Variants in SDC2 observed in about 807,000 individuals in gnomAD.
SDC2 encodes the protein syndecan-2.
Under a neutral mutation model 22.2 loss-of-function variants are expected in SDC2, and 13 were observed. The ratio of observed to expected loss-of-function variants is 0.59; its 90% CI spans 0.38 to 0.93. The LOEUF (loss-of-function observed/expected upper bound fraction) is 0.93, where lower values mean the gene tolerates loss of function less well. Ranked by LOEUF, SDC2 falls within the 40% of genes least tolerant of loss-of-function variation. The pLI, the probability that SDC2 is intolerant of heterozygous loss-of-function variation, is 0.00. For missense variants in SDC2, 235 were observed against 246.8 expected, an observed-to-expected ratio of 0.95 and a Z score of 0.32; for synonymous variants, 94 against 92.8, an observed-to-expected ratio of 1.01 and a Z score of -0.07.
At chr8:96,566,411 T>G (rs1413833146) in intron 1 of SDC2, among the ~76,000 whole-genome samples, 1 of 152,204 alleles carries the variant, frequency 6.6e-6, no homozygotes, top group Admixed American at 6.5e-5. Context: ...GAAACAAACA[T>G]TAATTCATTT....
chr8:96,599,145 G>T lies in SDC2; in HGVS notation c.173-3250G>T, dbSNP rs575749295. 3.3e-5 allele frequency among the ~76,000 whole-genome samples: 5 copies of T among 152,134 alleles called. No homozygotes were observed. The South Asian group carries it at 1.0e-3, about 32-fold the overall frequency. ...TTTAGTAGGGATGGGGTTTCACCAT[G>T]TTAGCCAAGATGGTCTTGATCTCCT... On this transcript the variant is annotated intron_variant, in intron 2 of 4. Transcript: ENST00000302190.
rs1815141057 is a variant in SDC2 at position 96,609,544 on chromosome 8, C to A, written c.602C>A (p.Ala201Glu). The A allele has an allele frequency of 1.3e-6, 2 of 1,580,006 alleles. No homozygotes were observed. Among genetic ancestry groups the A allele is most frequent in the South Asian group, 1.2e-5 (1 of 85,504 alleles). The change falls in exon 5 of 5, where the codon GCG becomes GAG. Residue 201 changes from alanine to glutamate, a missense_variant. Physicochemically the swap from Ala to Glu is moderately radical, Grantham distance 107. Transcript: ENST00000302190. ...YQKAPTKEFYA is the reference protein window; with the variant it reads ...YQKAPTKEFYE ...AAGGCACCTACTAAGGAGTTTTATGCGTAAAACTCCAACTTAGTGTCTCTA... is the reference window on the plus strand; with the variant it reads ...AAGGCACCTACTAAGGAGTTTTATGAGTAAAACTCCAACTTAGTGTCTCTA...
chr8:96,510,891 T>C (rs1311121505), intron 1 of SDC2, among the ~76,000 whole-genome samples: 1 of 152,164 alleles, frequency 6.6e-6, no homozygotes, highest in Non-Finnish European at 1.5e-5. Flanking sequence ...GTATGCCTGA[T>C]AGATAAATGT....
chr8:96,546,988 C>A (rs987717048), intron 1 of SDC2, among the ~76,000 whole-genome samples: 1 of 152,208 alleles, frequency 6.6e-6, no homozygotes, highest in African/African-American at 2.4e-5. Flanking sequence ...GTAACTCTTA[C>A]AATGAGCAAA....
intron 1 of SDC2, among the ~76,000 whole-genome samples, chr8:96,502,189 A>G (rs1005733346): frequency 7.2e-5 from 11 of 152,316 alleles, no homozygotes; most frequent in African/African-American, 1.2e-4. Flanking sequence ...CACGTCCTAC[A>G]TGGTGGCAGG....
intron 1 of SDC2, among the ~76,000 whole-genome samples, chr8:96,560,802 C>G (rs1041975998): frequency 2.0e-5 from 3 of 152,036 alleles, no homozygotes; most frequent in African/African-American, 7.2e-5. Flanking sequence ...GTTAAGAGCC[C>G]CTTTATCTAA....
intron 1 of SDC2, among the ~76,000 whole-genome samples, chr8:96,569,977 A>G (rs948638295): frequency 6.6e-6 from 1 of 152,216 alleles, no homozygotes; most frequent in African/African-American, 2.4e-5. Context: ...AGCAGTCCAG[A>G]GTCACCTCTG....
At chr8:96,517,365 T>C (rs1269718567) in intron 1 of SDC2, among the ~76,000 whole-genome samples, 1 of 152,232 alleles carries the variant, frequency 6.6e-6, no homozygotes, top group Admixed American at 6.5e-5. Flanking sequence ...TTTTTTCTTT[T>C]GTTGCTTATG....
chr8:96,564,097 TC>T (rs1454811991), intron 1 of SDC2, among the ~76,000 whole-genome samples: 1 of 152,222 alleles, frequency 6.6e-6, no homozygotes, highest in Non-Finnish European at 1.5e-5. Flanking sequence ...GCTTGGTAAC[TC>T]CACCTTTCTA....
intron 1 of SDC2, among the ~76,000 whole-genome samples, chr8:96,532,417 T>TTG (rs1554601024): frequency 7.1e-6 from 1 of 141,654 alleles, no homozygotes; most frequent in Non-Finnish European, 1.6e-5. Flanking sequence ...GAGGCGTTTT[T>TTG]TTTTTTTTTT....
At chr8:96,580,136 C>T (rs779080106) in intron 1 of SDC2, among the ~76,000 whole-genome samples, 6 of 152,198 alleles carry the variant, frequency 3.9e-5, no homozygotes, top group Non-Finnish European at 8.8e-5. Context: ...ACCACTTGAA[C>T]GGATTGTGGT....
chr8:96,602,932 G>C (rs1249009249), intron 3 of SDC2, among the ~76,000 whole-genome samples: 1 of 152,136 alleles, frequency 6.6e-6, no homozygotes, highest in Non-Finnish European at 1.5e-5. Flanking sequence ...GTCTTGAGGT[G>C]GTCCTAGTCT....
intron 2 of SDC2, among the ~76,000 whole-genome samples, chr8:96,601,719 C>G (rs1814990921): frequency 1.3e-5 from 2 of 151,652 alleles, no homozygotes; most frequent in South Asian, 4.2e-4. Flanking sequence ...AGGAGTCAGC[C>G]ATAGGAGAGT....
intron 1 of SDC2, among the ~76,000 whole-genome samples, chr8:96,537,986 C>T (rs199709477): frequency 2.8e-4 from 42 of 152,014 alleles, no homozygotes; most frequent in African/African-American, 9.2e-4. Context: ...GTTTTTGAGA[C>T]GGAGTCTCGC....
intron 1 of SDC2, among the ~76,000 whole-genome samples, chr8:96,587,616 A>G (rs1483111662): frequency 6.6e-6 from 1 of 152,180 alleles, no homozygotes; most frequent in Non-Finnish European, 1.5e-5. Context: ...CATGTAGGAA[A>G]TTTGAGGGGC....
At chr8:96,586,712 T>C (rs1436606) in intron 1 of SDC2, among the ~76,000 whole-genome samples, 3,687 of 152,332 alleles carry the variant, frequency 0.024, 139 homozygotes, top group African/African-American at 0.076. Flanking sequence ...CCTCCCACTT[T>C]CCACCCAAAT....
chr8:96,533,427 A>G (rs1813699266), intron 1 of SDC2, among the ~76,000 whole-genome samples: 2 of 152,252 alleles, frequency 1.3e-5, no homozygotes, highest in South Asian at 4.1e-4. Flanking sequence ...AAAATTCTCT[A>G]TGTCCTCACT....
chr8:96,496,999 C>T (rs985230148), intron 1 of SDC2, among the ~76,000 whole-genome samples: 1 of 152,186 alleles, frequency 6.6e-6, no homozygotes, highest in African/African-American at 2.4e-5. Context: ...CCATTTTGTA[C>T]ATGACTGTTT....
chr8:96,519,579 G>A (rs557706198), intron 1 of SDC2, among the ~76,000 whole-genome samples: 2 of 151,880 alleles, frequency 1.3e-5, no homozygotes, highest in East Asian at 3.9e-4. Flanking sequence ...ATCTAGGGGG[G>A]AAAAATCCTA....
Sources: gnomAD v4.1 joint callset for allele counts (sites outside exome capture counted in the v4.1 genomes callset) on GRCh38, gnomAD v4.1.1 for gene constraint, MANE v1.5 for transcripts, NCBI Gene and HGNC (gene_info 2026-07-23, HGNC 2026-07-21) for gene names.